The following BRD4 variants were observed in gnomAD, a reference collection of about 807,000 sequenced individuals.
BRD4 encodes bromodomain containing 4, also known as bromodomain-containing protein 4.
BRD4 carries 16 observed loss-of-function variants against 142.1 expected under a neutral mutation model. The observed-to-expected ratio is 0.11, with a 90% CI of 0.08 to 0.17. The LOEUF is 0.17. BRD4 is among the 10% of genes least tolerant of loss of function. The pLI is 1.00. For missense variants in BRD4, 1,424 were observed against 1,810.9 expected (o/e 0.79, Z 3.88); for synonymous variants, 833 against 707.5 (o/e 1.18, Z -2.82).
chr19:15,270,837 G>GCCCTGAGAC (rs1481875339), intron 2 of BRD4, among the ~76,000 whole-genome samples: 2 of 152,104 alleles, frequency 1.3e-5, no homozygotes, highest in African/African-American at 4.8e-5. Flanking sequence ...CCCACCAAAT[G>GCCCTGAGAC]CCCTGAGACC....
intron 1 of BRD4, among the ~76,000 whole-genome samples, chr19:15,298,075 T>C (rs956391229): frequency 6.6e-6 from 1 of 152,202 alleles, no homozygotes; most frequent in Non-Finnish European, 1.5e-5. Flanking sequence ...CCAACAATCC[T>C]GAGAAAAGAT....
intron 1 of BRD4, among the ~76,000 whole-genome samples, chr19:15,303,479 A>C (rs1323369627): frequency 6.6e-6 from 1 of 152,238 alleles, no homozygotes; most frequent in Non-Finnish European, 1.5e-5. Context: ...GACAGCGAAC[A>C]CCTTTAGATT....
At chr19:15,322,285 C>T (rs2048068081) in intron 1 of BRD4, among the ~76,000 whole-genome samples, 1 of 151,892 alleles carries the variant, frequency 6.6e-6, no homozygotes, top group Non-Finnish European at 1.5e-5. Flanking sequence ...GTTTTGTTTT[C>T]TTCTGAGATG....
chr19:15,328,934 C>T (rs1031373551), intron 1 of BRD4, among the ~76,000 whole-genome samples: 10 of 152,156 alleles, frequency 6.6e-5, no homozygotes, highest in African/African-American at 2.2e-4. Flanking sequence ...CCACTATGCC[C>T]GGCTAATTTT....
chr19:15,254,771 G>A (rs948533359), intron 10 of BRD4, among the ~76,000 whole-genome samples: 1 of 152,098 alleles, frequency 6.6e-6, no homozygotes, highest in Non-Finnish European at 1.5e-5. Context: ...TCAGGGCTGG[G>A]GACAAAGACT....
chr19:15,238,628 C>G lies in BRD4; in HGVS notation c.4020+115G>C. 6.9e-7 allele frequency: 1 copy of G among 1,458,238 alleles called. No individual in the cohort carries two copies. The highest frequency in any genetic ancestry group is 1.4e-5 in the South Asian group (1 of 69,224). 90.3% of individuals were successfully genotyped at this position (1,458,238 alleles called of 1,614,324 possible). ...TGAGTCCAGAGGACCACATGCCGAC[C>G]AGCAGGGACGGGGCTCCCCCGCTGC... On this transcript the variant is annotated intron_variant, in intron 19 of 19. Transcript: ENST00000679869. The surrounding 1 kb of genome is among the most constrained non-coding windows in gnomAD (Gnocchi z 7.2).
Position 15,272,956 on chromosome 19 carries a change from T to G in BRD4, c.144A>C (p.Pro48=), listed in dbSNP as rs1368803850. The G allele has an allele frequency of 1.2e-6, 2 of 1,613,614 alleles. No individual in the cohort carries two copies. Among genetic ancestry groups the G allele is most frequent in the Middle Eastern group, 1.7e-4 (1 of 6,056 alleles). The change falls in exon 2 of 20, where the codon CCA becomes CCC. Residue 48 remains proline (P), a synonymous_variant. Coordinates refer to ENST00000679869, the MANE Select transcript of BRD4 (RefSeq NM_001379291.1). The stretch of plus-strand genomic sequence containing the variant: ...TGGGCTTGTTAGGGTTGGAGGTCTC[T>G]GGGGGCGGGGGGTTGGTGCTGGCTG... ...ANAASTNPPP[P]ETSNPNKPKR...
intron 1 of BRD4, among the ~76,000 whole-genome samples, chr19:15,320,148 T>C (rs1040290346): frequency 5.3e-5 from 8 of 152,160 alleles, no homozygotes; most frequent in African/African-American, 1.9e-4. Context: ...AGTGATGATC[T>C]AGAGAGAAGC....
intron 7 of BRD4, among the ~76,000 whole-genome samples, chr19:15,258,930 C>A (rs543254723): frequency 6.6e-6 from 1 of 152,296 alleles, no homozygotes; most frequent in Admixed American, 6.5e-5. Flanking sequence ...TTGAGCAGGT[C>A]TGAGACAAGG....
intron 1 of BRD4, among the ~76,000 whole-genome samples, chr19:15,300,671 G>A (rs1293741967): frequency 6.6e-6 from 1 of 151,724 alleles, no homozygotes; most frequent in Non-Finnish European, 1.5e-5. Context: ...AATGCACCTG[G>A]GAAGATGCTC....
chr19:15,297,723 G>T (rs760601458), intron 1 of BRD4, among the ~76,000 whole-genome samples: 3 of 152,146 alleles, frequency 2.0e-5, no homozygotes, highest in Admixed American at 6.5e-5. Flanking sequence ...ATACAGCTGT[G>T]GACTCTAACC....
intron 11 of BRD4, chr19:15,249,340 A>T (rs966454493): frequency 6.2e-7 from 1 of 1,613,718 alleles, no homozygotes; most frequent in Non-Finnish European, 8.5e-7. Context: ...TGTGGAATGT[A>T]CCATTTAAGT....
chr19:15,263,518 C>A lies in BRD4; in HGVS notation c.1243G>T (p.Ala415Ser). 6.2e-7 allele frequency: 1 copy of A among 1,614,214 alleles called. No homozygotes were observed. The highest frequency in any genetic ancestry group is 8.5e-7 in the Non-Finnish European group (1 of 1,180,046). The part of the protein sequence containing the change: ...SKLEAREYRD[A>S]QEFGADVRLM... ...CGGACGTCAGCACCAAACTCCTGAG[C>A]ATCACGGTACTCACGGGCCTCCAGT... The change falls in exon 7 of 20, where the codon GCT becomes TCT. Residue 415 changes from alanine (A) to serine (S), a missense_variant. Physicochemically the swap from Ala to Ser is moderately conservative, Grantham distance 99. Around this residue, in one of 16 missense-constraint regions of BRD4, gnomAD observed 26 missense variants for 20.2 expected, o/e 1.29. Coordinates refer to ENST00000679869, the MANE Select transcript of BRD4 (RefSeq NM_001379291.1).
intron 1 of BRD4, among the ~76,000 whole-genome samples, chr19:15,298,486 T>C (rs948497195): frequency 2.6e-5 from 4 of 151,562 alleles, no homozygotes; most frequent in African/African-American, 4.9e-5. Flanking sequence ...CCCGGCACGG[T>C]GGCAGGCGCC....
intron 1 of BRD4, among the ~76,000 whole-genome samples, chr19:15,282,607 T>G (rs948190241): frequency 1.3e-5 from 2 of 152,252 alleles, no homozygotes; most frequent in Non-Finnish European, 2.9e-5. Context: ...GCTGAAAGAT[T>G]ATGATAGAAA....
intron 11 of BRD4, among the ~76,000 whole-genome samples, chr19:15,252,537 CCA>C (rs1156731015): frequency 1.3e-5 from 2 of 152,242 alleles, no homozygotes; most frequent in Admixed American, 6.5e-5. Context: ...GCCATTCACC[CCA>C]GTCACTCTGC....
intron 1 of BRD4, among the ~76,000 whole-genome samples, chr19:15,299,184 G>A (rs1336650165): frequency 6.6e-6 from 1 of 152,142 alleles, no homozygotes; most frequent in Non-Finnish European, 1.5e-5. Flanking sequence ...CCTGATCCAC[G>A]TGTCTGTCTT....
intron 1 of BRD4, among the ~76,000 whole-genome samples, chr19:15,309,785 A>G (rs2047950594): frequency 6.6e-6 from 1 of 152,206 alleles, no homozygotes; most frequent in South Asian, 2.1e-4. Context: ...TAGTGTGGCA[A>G]TCAATTCTGA....
chr19:15,250,741 G>A (rs1387686979), intron 11 of BRD4, among the ~76,000 whole-genome samples: 2 of 152,176 alleles, frequency 1.3e-5, no homozygotes, highest in African/African-American at 2.4e-5. Flanking sequence ...ATGACACTTG[G>A]GAAGAACCAG....
Sources: allele counts gnomAD v4.1 joint callset (sites outside exome capture counted in the v4.1 genomes callset), GRCh38; gene constraint gnomAD v4.1.1; regional missense constraint gnomAD v4.1.1; non-coding constraint Gnocchi (gnomAD v3.1); transcripts MANE v1.5; gene names NCBI Gene and HGNC (gene_info 2026-07-23, HGNC 2026-07-21).